The following XIRP2 variants were observed in gnomAD, a reference collection of about 807,000 sequenced individuals.
XIRP2 encodes the protein xin actin-binding repeat-containing protein 2.
Under a neutral mutation model 277.0 loss-of-function variants are expected in XIRP2, and 236 were observed. That is an observed-to-expected ratio of 0.85 (90% CI 0.77 to 0.95). The LOEUF (loss-of-function observed/expected upper bound fraction) is 0.95, where lower values mean the gene tolerates loss of function less well. Among genes scored for constraint, XIRP2 ranks in the 40% least tolerant of loss-of-function variants. The pLI, the probability that XIRP2 is intolerant of heterozygous loss-of-function variation, is 0.00. For missense variants in XIRP2, 4,640 were observed against 4,157.5 expected (o/e 1.12, Z -3.19); for synonymous variants, 1,490 against 1,416.5 (o/e 1.05, Z -1.17).
At chr2:167,152,303 A>T (rs1435997468) in intron 3 of XIRP2, among the ~76,000 whole-genome samples, 1 of 152,044 alleles carries the variant, frequency 6.6e-6, no homozygotes, top group Non-Finnish European at 1.5e-5. Context: ...AGACACAGGG[A>T]CACAGAGAGG....
rs771092816 is a variant in XIRP2 at position 167,245,091 on chromosome 2, A to G, written c.3699A>G (p.Lys1233=). The G allele has an allele frequency of 6.8e-6, 11 of 1,610,194 alleles. No individual in the cohort carries two copies. The highest frequency in any genetic ancestry group is 9.3e-6 in the Non-Finnish European group (11 of 1,178,932). The change falls in exon 9 of 11, where the codon AAA becomes AAG. Residue 1233 remains lysine (K), a synonymous_variant. Coordinates refer to ENST00000409195, the MANE Select transcript of XIRP2 (RefSeq NM_152381.6). ...IKTLKTEDIQ[K]GNVLNCRWLF... is the part of the protein sequence containing the mutation. ...CCTTAAAAACTGAAGATATTCAGAA[A>G]GGCAATGTTTTAAATTGTAGGTGGC...
intron 2 of XIRP2, among the ~76,000 whole-genome samples, chr2:166,946,645 T>C (rs1316281959): frequency 1.3e-5 from 2 of 152,056 alleles, no homozygotes; most frequent in East Asian, 1.9e-4. Flanking sequence ...TCATGGAGAA[T>C]GATAGATGAT....
intron 2 of XIRP2, among the ~76,000 whole-genome samples, chr2:166,986,792 G>A (rs187163707): frequency 6.6e-6 from 1 of 152,186 alleles, no homozygotes; most frequent in South Asian, 2.1e-4. Context: ...CAAACGTTTA[G>A]ATAAATGAGA....
intron 6 of XIRP2, 28 bp downstream of exon 6, chr2:167,239,993 A>G: frequency 6.4e-7 from 1 of 1,567,582 alleles, no homozygotes; most frequent in Non-Finnish European, 8.6e-7. Context: ...CAGTACTTTC[A>G]AACAGTTTCC....
chr2:167,072,867 C>T (rs559002282), intron 2 of XIRP2, among the ~76,000 whole-genome samples: 1 of 152,080 alleles, frequency 6.6e-6, no homozygotes, highest in African/African-American at 2.4e-5. Context: ...TACAGAAGGC[C>T]GCATATTTTG....
At chr2:167,131,657 C>A (rs1438699192) in intron 2 of XIRP2, among the ~76,000 whole-genome samples, 7 of 152,190 alleles carry the variant, frequency 4.6e-5, no homozygotes, top group African/African-American at 1.4e-4. Context: ...TTCTCCTCTG[C>A]CATCCATTTA....
chr2:166,938,143 A>G lies in XIRP2; in HGVS notation c.408+34253A>G, dbSNP rs1339115150. On this transcript the variant is annotated intron_variant, in intron 2 of 10. Transcript: ENST00000409195. ...ATTTCTTGCCTTCTGCTAGCTTTTGAATGTGTTTGCTCTTGCTTTTCTAGT... is the reference window on the plus strand; with the variant it reads ...ATTTCTTGCCTTCTGCTAGCTTTTGGATGTGTTTGCTCTTGCTTTTCTAGT... Among the ~76,000 whole-genome samples the G allele has an allele frequency of 5.9e-5, 9 of 151,992 alleles. No individual in the cohort carries two copies. The South Asian group carries it at 1.7e-3, about 28-fold the overall frequency.
chr2:167,055,627 A>C (rs1689020021), intron 2 of XIRP2, among the ~76,000 whole-genome samples: 1 of 152,188 alleles, frequency 6.6e-6, no homozygotes, highest in African/African-American at 2.4e-5. Flanking sequence ...CTCATCTCTG[A>C]ATATGCATAG....
At chr2:166,983,742 G>A (rs1686931945) in intron 2 of XIRP2, among the ~76,000 whole-genome samples, 1 of 152,132 alleles carries the variant, frequency 6.6e-6, no homozygotes, top group Admixed American at 6.6e-5. Flanking sequence ...AAGAGCCAGG[G>A]GAGACATGGG....
chr2:167,202,189 A>T (rs1693740283), intron 3 of XIRP2, among the ~76,000 whole-genome samples: 2 of 152,318 alleles, frequency 1.3e-5, no homozygotes, highest in South Asian at 4.1e-4. Context: ...AATTTATTAG[A>T]CTAGTTCAAT....
intron 2 of XIRP2, among the ~76,000 whole-genome samples, chr2:167,039,379 G>T (rs926648173): frequency 1.3e-5 from 2 of 152,152 alleles, no homozygotes; most frequent in Non-Finnish European, 2.9e-5. Context: ...GCTAGGCATT[G>T]CTGTGAACAC....
chr2:167,122,386 T>C (rs1691081129), intron 2 of XIRP2, among the ~76,000 whole-genome samples: 1 of 152,142 alleles, frequency 6.6e-6, no homozygotes, highest in East Asian at 1.9e-4. Flanking sequence ...ATATGCCAAA[T>C]TGTTTTCTAT....
intron 2 of XIRP2, among the ~76,000 whole-genome samples, chr2:166,908,127 C>T (rs985776546): frequency 6.6e-6 from 1 of 152,048 alleles, no homozygotes; most frequent in African/African-American, 2.4e-5. Context: ...TGGGTGTATA[C>T]CCAATAATGG....
intron 2 of XIRP2, among the ~76,000 whole-genome samples, chr2:167,114,511 T>C (rs1010433809): frequency 6.6e-6 from 1 of 152,096 alleles, no homozygotes; most frequent in African/African-American, 2.4e-5. Context: ...TAGTTACATA[T>C]GTATACATGT....
chr2:167,186,573 G>T (rs138770402), intron 3 of XIRP2, among the ~76,000 whole-genome samples: 35 of 152,192 alleles, frequency 2.3e-4, no homozygotes, highest in African/African-American at 8.4e-4. Context: ...TGTCATTTTT[G>T]AGCTAAATGG....
At chr2:167,054,008 T>C (rs1688981691) in intron 2 of XIRP2, among the ~76,000 whole-genome samples, 1 of 152,182 alleles carries the variant, frequency 6.6e-6, no homozygotes, top group African/African-American at 2.4e-5. Flanking sequence ...TTTGGAAATG[T>C]TTCTAAACAC....
intron 2 of XIRP2, among the ~76,000 whole-genome samples, chr2:167,078,826 A>C (rs1689651145): frequency 8.7e-6 from 1 of 114,428 alleles, no homozygotes; most frequent in East Asian, 2.5e-4. Flanking sequence ...CGACACAGTG[A>C]GACTCCGTCT....
At chr2:166,942,875 A>T (rs1374984418) in intron 2 of XIRP2, among the ~76,000 whole-genome samples, 2 of 152,184 alleles carry the variant, frequency 1.3e-5, no homozygotes, top group Non-Finnish European at 2.9e-5. Flanking sequence ...AAAAATAATT[A>T]ACAACATCAA....
intron 2 of XIRP2, among the ~76,000 whole-genome samples, chr2:166,965,935 T>C (rs1353068182): frequency 6.6e-6 from 1 of 151,838 alleles, no homozygotes; most frequent in East Asian, 1.9e-4. Flanking sequence ...TTTTATCAAA[T>C]TAAAAGTTGT....
Sources: gnomAD v4.1 joint callset for allele counts (sites outside exome capture counted in the v4.1 genomes callset) on GRCh38, gnomAD v4.1.1 for gene constraint, MANE v1.5 for transcripts, NCBI Gene and HGNC (gene_info 2026-07-23, HGNC 2026-07-21) for gene names.